ULK4: variants seen among roughly 807,000 people sequenced by gnomAD.
The protein encoded by ULK4 is unc-51 like kinase 4.
Under a neutral mutation model 160.6 loss-of-function variants are expected in ULK4, and 133 were observed. The observed-to-expected ratio is 0.83, with a 90% CI of 0.72 to 0.96. ULK4 has a LOEUF of 0.96. ULK4 is among the 40% of genes least tolerant of loss of function. The probability of loss-of-function intolerance (pLI) is 0.00; values close to 1 mark genes in which losing one functional copy is unlikely to be tolerated. For synonymous variants in ULK4, 534 were observed against 539.8 expected, an observed-to-expected ratio of 0.99 and a Z score of 0.15; for missense variants, 1,580 against 1,499.5, an observed-to-expected ratio of 1.05 and a Z score of -0.89.
intron 18 of ULK4, among the ~76,000 whole-genome samples, chr3:41,831,531 A>ATATATATATATATATT: frequency 3.6e-5 from 5 of 138,126 alleles, no homozygotes; most frequent in African/African-American, 1.4e-4. Context: ...ATATATATAT[A>ATATATATATATATATT]TTTTTTTTTC....
At chr3:41,919,413 C>T (rs1278423264) in intron 6 of ULK4, among the ~76,000 whole-genome samples, 1 of 152,034 alleles carries the variant, frequency 6.6e-6, no homozygotes, top group East Asian at 1.9e-4. Context: ...ACCAGCCTGG[C>T]CAACATGGTG....
chr3:41,501,296 G>A lies in ULK4; in HGVS notation c.3227-38043C>T, dbSNP rs146719970. On this transcript the variant is annotated intron_variant, in intron 32 of 36. Coordinates refer to ENST00000301831, the MANE Select transcript of ULK4 (RefSeq NM_017886.4). Reference sequence around the variant, plus strand: ...GCGGATCACGAGGTCAGGAGATCAAGACCATCTTGGCTAACACGGTGAAAC... The same window carrying A: ...GCGGATCACGAGGTCAGGAGATCAAAACCATCTTGGCTAACACGGTGAAAC... Among the ~76,000 whole-genome samples, 869 of 152,286 alleles carry A rather than the reference G, an allele frequency of 5.7e-3. 10 individuals are homozygous for A. The highest frequency in any genetic ancestry group is 0.02 in the African/African-American group (829 of 41,556).
chr3:41,684,008 T>G (rs2036013341), intron 27 of ULK4, among the ~76,000 whole-genome samples: 1 of 152,190 alleles, frequency 6.6e-6, no homozygotes, highest in East Asian at 1.9e-4. Flanking sequence ...TTCCTTCTTG[T>G]GTGTTTAACT....
At chr3:41,547,239 T>C (rs1346113578) in intron 32 of ULK4, among the ~76,000 whole-genome samples, 1 of 152,140 alleles carries the variant, frequency 6.6e-6, no homozygotes. Context: ...ACTAGAAATA[T>C]CTGGGAGGAT....
chr3:41,521,738 A>G (rs1361038691), intron 32 of ULK4, among the ~76,000 whole-genome samples: 4 of 152,236 alleles, frequency 2.6e-5, no homozygotes, highest in Non-Finnish European at 4.4e-5. Flanking sequence ...GTTATTATAC[A>G]TGACAGATTT....
At chr3:41,334,691 A>C (rs994209417) in intron 35 of ULK4, among the ~76,000 whole-genome samples, 1 of 152,228 alleles carries the variant, frequency 6.6e-6, no homozygotes, top group African/African-American at 2.4e-5. Context: ...CCATTAAAAC[A>C]AAGAGTTCTA....
At chr3:41,487,648 G>C (rs1046194492) in intron 32 of ULK4, among the ~76,000 whole-genome samples, 1 of 151,956 alleles carries the variant, frequency 6.6e-6, no homozygotes, top group African/African-American at 2.4e-5. Context: ...CAAAATTCAG[G>C]CTAAATCTCT....
At chr3:41,425,987 A>G (rs2082768454) in intron 34 of ULK4, among the ~76,000 whole-genome samples, 1 of 152,224 alleles carries the variant, frequency 6.6e-6, no homozygotes, top group African/African-American at 2.4e-5. Flanking sequence ...CAGAATGGCA[A>G]GCAGGATAAA....
intron 4 of ULK4, 78 bp from the exon 5 acceptor site, chr3:41,932,084 C>A: frequency 7.8e-7 from 1 of 1,288,450 alleles, no homozygotes; most frequent in Admixed American, 2.7e-5. Context: ...TATAATTGTA[C>A]TAAAGAACTT....
chr3:41,665,620 G>GTT (rs1377871261), intron 29 of ULK4, among the ~76,000 whole-genome samples: 1 of 151,888 alleles, frequency 6.6e-6, no homozygotes, highest in Non-Finnish European at 1.5e-5. Context: ...ATAATCAAGC[G>GTT]TAATTTCAAG....
At chr3:41,660,880 G>T (rs1482136667) in intron 30 of ULK4, among the ~76,000 whole-genome samples, 1 of 152,098 alleles carries the variant, frequency 6.6e-6, no homozygotes, top group Non-Finnish European at 1.5e-5. Flanking sequence ...AGTAATTTCA[G>T]TCAACAAAAT....
chr3:41,584,356 C>T (rs930024734), intron 31 of ULK4, among the ~76,000 whole-genome samples: 32 of 152,018 alleles, frequency 2.1e-4, no homozygotes, highest in Admixed American at 8.5e-4. Flanking sequence ...CGGTGGTGTG[C>T]GCTCAGCTCT....
At chr3:41,401,268 ATTTT>A (rs2082172970) in intron 34 of ULK4, among the ~76,000 whole-genome samples, 1 of 152,112 alleles carries the variant, frequency 6.6e-6, no homozygotes. Context: ...ATAGTTTTAT[ATTTT>A]ACATCTTTAA....
chr3:41,567,081 A>G (rs2087807243), intron 31 of ULK4, among the ~76,000 whole-genome samples: 1 of 152,142 alleles, frequency 6.6e-6, no homozygotes, highest in Non-Finnish European at 1.5e-5. Context: ...GAAAAGCAAC[A>G]AGCATATTAA....
At chr3:41,418,350 G>A (rs1222583014) in intron 34 of ULK4, among the ~76,000 whole-genome samples, 2 of 143,460 alleles carry the variant, frequency 1.4e-5, no homozygotes, top group East Asian at 2.3e-4. Flanking sequence ...GGCGGGGGGG[G>A]GGGCACGTTT....
At chr3:41,721,763 A>C (rs2037479654) in intron 22 of ULK4, among the ~76,000 whole-genome samples, 1 of 151,940 alleles carries the variant, frequency 6.6e-6, no homozygotes, top group African/African-American at 2.4e-5. Context: ...ATACCCTACC[A>C]AATAGTAAAT....
intron 33 of ULK4, among the ~76,000 whole-genome samples, chr3:41,455,856 T>A (rs1268645195): frequency 6.6e-6 from 1 of 152,124 alleles, no homozygotes; most frequent in Admixed American, 6.5e-5. Context: ...ATTACAAAGG[T>A]TGCTAATGGA....
At chr3:41,707,334 A>G (rs892083753) in intron 25 of ULK4, among the ~76,000 whole-genome samples, 2 of 152,190 alleles carry the variant, frequency 1.3e-5, no homozygotes, top group African/African-American at 4.8e-5. Context: ...TCGGACCCAA[A>G]CACACAAGCA....
At chr3:41,474,365 G>C (rs1016671306) in intron 32 of ULK4, among the ~76,000 whole-genome samples, 2 of 152,056 alleles carry the variant, frequency 1.3e-5, no homozygotes, top group Non-Finnish European at 2.9e-5. Flanking sequence ...GTTCAAAATG[G>C]ATTAAAGACT....
Sources: gnomAD v4.1 joint callset for allele counts (sites outside exome capture counted in the v4.1 genomes callset) on GRCh38, gnomAD v4.1.1 for gene constraint, MANE v1.5 for transcripts, NCBI Gene and HGNC (gene_info 2026-07-23, HGNC 2026-07-21) for gene names.